SYNE2: variants seen among roughly 807,000 people sequenced by gnomAD.
The protein encoded by SYNE2 is spectrin repeat containing nuclear envelope protein 2.
Under a neutral mutation model 856.3 loss-of-function variants are expected in SYNE2, and 431 were observed. The ratio of observed to expected loss-of-function variants is 0.50; its 90% CI spans 0.47 to 0.55. The LOEUF is 0.55. Ranked by LOEUF, SYNE2 falls within the 20% of genes least tolerant of loss-of-function variation. The probability of loss-of-function intolerance (pLI) is 0.00; values close to 1 mark genes in which losing one functional copy is unlikely to be tolerated. For missense variants in SYNE2, 8,129 were observed against 8,023.2 expected, an observed-to-expected ratio of 1.01 and a Z score of -0.50; for synonymous variants, 2,923 against 2,872.3, an observed-to-expected ratio of 1.02 and a Z score of -0.56.
At chr14:64,039,324 G>A (rs973605377) in intron 45 of SYNE2, among the ~76,000 whole-genome samples, 16 of 152,234 alleles carry the variant, frequency 1.1e-4, no homozygotes, top group Non-Finnish European at 1.5e-4. Flanking sequence ...GATAGTGAAG[G>A]TTACTGACTT....
At chr14:63,996,409 C>G (rs2096714357) in intron 23 of SYNE2, among the ~76,000 whole-genome samples, 1 of 152,132 alleles carries the variant, frequency 6.6e-6, no homozygotes, top group Non-Finnish European at 1.5e-5. Flanking sequence ...CCCCATACCC[C>G]CAGGACAATT....
At chr14:63,903,260 C>T (rs562641548) in intron 1 of SYNE2, among the ~76,000 whole-genome samples, 28 of 152,106 alleles carry the variant, frequency 1.8e-4, no homozygotes, top group Non-Finnish European at 3.1e-4. Flanking sequence ...TCTAACACTT[C>T]GAATTGATTC....
At position 64,052,592 on chromosome 14, in the gene SYNE2, A is replaced by G. The variant is rs1449743891; in HGVS notation, c.8679A>G (p.Thr2893=). ...AAGAAATTGACAGTGGAATCTCAAC[A>G]CATCTTCAGGAGCTAACAAACATCT... ...ELQEIDSGIS[T]HLQELTNIYE... is the part of the protein sequence containing the mutation. The change falls in exon 48 of 116, where the codon ACA becomes ACG. Residue 2893 remains threonine, a synonymous_variant. Coordinates refer to ENST00000555002, the MANE Select transcript of SYNE2 (RefSeq NM_182914.3). The G allele has an allele frequency of 6.2e-7, 1 of 1,614,026 alleles. No homozygotes were observed. The highest frequency in any genetic ancestry group is 8.5e-7 in the Non-Finnish European group (1 of 1,180,042).
At chr14:64,087,281 T>C in intron 57 of SYNE2, 1 of 361,636 alleles carries the variant, frequency 2.8e-6, no homozygotes, top group South Asian at 2.5e-5. Context: ...TGGAATTACC[T>C]GAAGAGTACA....
chr14:63,767,419 T>C (rs1886724203), intron 1 of SYNE2, among the ~76,000 whole-genome samples: 3 of 152,162 alleles, frequency 2.0e-5, no homozygotes. Context: ...CAATTTTTTA[T>C]TTTTTAAATT....
chr14:63,780,296 G>T (rs528115364), intron 1 of SYNE2, among the ~76,000 whole-genome samples: 2 of 152,160 alleles, frequency 1.3e-5, no homozygotes, highest in African/African-American at 4.8e-5. Flanking sequence ...CACTTTGGGA[G>T]GCCGAGGCGG....
intron 1 of SYNE2, among the ~76,000 whole-genome samples, chr14:63,869,653 A>AAAC (rs1188287387): frequency 3.3e-5 from 5 of 151,558 alleles, no homozygotes; most frequent in African/African-American, 7.2e-5. Context: ...AAAAAAAAAA[A>AAAC]AAAAAACTGC....
chr14:63,818,040 A>C (rs1417791493), intron 1 of SYNE2, among the ~76,000 whole-genome samples: 3 of 132,970 alleles, frequency 2.3e-5, no homozygotes, highest in African/African-American at 3.4e-5. Flanking sequence ...AAAAAAAAAA[A>C]AAAAAACAAA....
At chr14:64,095,477 C>T (rs10136633) in intron 61 of SYNE2, among the ~76,000 whole-genome samples, 2 of 152,074 alleles carry the variant, frequency 1.3e-5, no homozygotes, top group Admixed American at 6.5e-5. Context: ...TGAGTTAGGC[C>T]GATCTTCCAA....
chr14:63,768,520 T>G (rs1324611989), intron 1 of SYNE2, among the ~76,000 whole-genome samples: 6 of 152,218 alleles, frequency 3.9e-5, no homozygotes, highest in Non-Finnish European at 8.8e-5. Flanking sequence ...GCATAGAGCC[T>G]CATTAGTTCA....
chr14:64,137,997 G>A lies in SYNE2; in HGVS notation c.14843+14G>A. The A allele has an allele frequency of 1.9e-6, 3 of 1,608,920 alleles. No homozygotes were observed. The highest frequency in any genetic ancestry group is 2.5e-6 in the Non-Finnish European group (3 of 1,177,534). On this transcript the variant is annotated intron_variant, in intron 79 of 115. Coordinates refer to ENST00000555002, the MANE Select transcript of SYNE2 (RefSeq NM_182914.3). ...GCATCTGCTCAGGTCAGCCTTTTTG[G>A]GGGTGGATTGGCTTCATATTGTGCT... is the stretch of plus-strand genomic sequence containing the variant.
At chr14:63,918,471 T>G (rs2095557892) in intron 2 of SYNE2, among the ~76,000 whole-genome samples, 1 of 152,196 alleles carries the variant, frequency 6.6e-6, no homozygotes, top group East Asian at 1.9e-4. Context: ...TTATAATCAT[T>G]TAAAAGTGGC....
At position 64,002,754 on chromosome 14, in the gene SYNE2, T is replaced by TA; in HGVS notation, c.3822dup (p.Cys1275MetfsTer2). 6.2e-7 allele frequency: 1 copy of TA among 1,613,436 alleles called. No homozygotes were observed. The highest frequency in any genetic ancestry group is 8.5e-7 in the Non-Finnish European group (1 of 1,179,926). On this transcript the variant is annotated frameshift_variant, in exon 30 of 116. Transcript: ENST00000555002. LOFTEE classifies it high-confidence loss of function. ...GATTCCATAGCAAAACAGATTGAAA[T>TA]ATGTAACCGCTTAGAAGAGCCAGGC...
In SYNE2 at chr14:64,049,652, G is replaced by A; in HGVS notation, c.7419G>A (p.Lys2473=). The change falls in exon 47 of 116, where the codon AAG becomes AAA. Residue 2473 remains lysine, a synonymous_variant. Transcript: ENST00000555002. ...TQLEAKKAAI[K]PLEQTECLNK... ...TGGAAGCAAAGAAAGCAGCCATTAAGCCACTGGAACAAACAGAATGTCTTA... is the reference window on the plus strand; with the variant it reads ...TGGAAGCAAAGAAAGCAGCCATTAAACCACTGGAACAAACAGAATGTCTTA... 1 of 1,614,050 alleles carries A rather than the reference G, an allele frequency of 6.2e-7. No homozygotes were observed. The highest frequency in any genetic ancestry group is 8.5e-7 in the Non-Finnish European group (1 of 1,180,010).
intron 18 of SYNE2, 96 bp downstream of exon 18, chr14:63,983,982 C>T (rs2153476347): frequency 2.2e-6 from 2 of 897,454 alleles, no homozygotes; most frequent in East Asian, 2.8e-5. Context: ...TGGCTCATGC[C>T]TGTAATCCCA....
In SYNE2 at chr14:64,128,438, C is replaced by A; in HGVS notation, c.13918-14C>A. On this transcript the variant is annotated splice_polypyrimidine_tract_variant and intron_variant, in intron 73 of 115. Coordinates refer to ENST00000555002, the MANE Select transcript of SYNE2 (RefSeq NM_182914.3). The stretch of plus-strand genomic sequence containing the variant: ...CTAAATGAGATTGCTCAGTTTCCGA[C>A]ATTTATCTTACAGAATGAAATAAAG... 7.0e-7 allele frequency: 1 copy of A among 1,425,052 alleles called. No homozygotes were observed. The highest frequency in any genetic ancestry group is 9.9e-7 in the Non-Finnish European group (1 of 1,007,852). 88.3% of individuals were successfully genotyped at this position (1,425,052 alleles called of 1,614,324 possible).
Position 64,056,209 on chromosome 14 carries a change from T to A in SYNE2, c.10010T>A (p.Val3337Asp), listed in dbSNP as rs773733885. Residue 3337 changes from valine (V) to aspartate (D), a missense_variant, in exon 49 of 116, where the codon GTT becomes GAT. Coordinates refer to ENST00000555002, the MANE Select transcript of SYNE2 (RefSeq NM_182914.3). The part of the protein sequence containing the change: ...LQLQYTLQEL[V>D]SKNSAMKEAF... ...CTTCAGTATACTTTACAGGAACTAG[T>A]TTCTAAGAACTCAGCAATGAAGGAA... 1 of 1,614,124 alleles carries A rather than the reference T, an allele frequency of 6.2e-7. No individual in the cohort carries two copies. Among genetic ancestry groups the A allele is most frequent in the Admixed American group, 1.7e-5 (1 of 60,000 alleles).
chr14:64,223,467 A>C, intron 113 of SYNE2, 87 bp downstream of exon 113: 1 of 1,518,006 alleles, frequency 6.6e-7, no homozygotes, highest in Middle Eastern at 1.9e-4. Context: ...TCTAAGACAG[A>C]GGCCAGAAGC....
At chr14:63,762,091 AT>A in intron 1 of SYNE2, 1 of 475,542 alleles carries the variant, frequency 2.1e-6, no homozygotes, top group Non-Finnish European at 4.3e-6. Context: ...TGTTCAATGA[AT>A]TTTTGTTGAA....
Sources: gnomAD v4.1 joint callset for allele counts (sites outside exome capture counted in the v4.1 genomes callset) on GRCh38, gnomAD v4.1.1 for gene constraint, MANE v1.5 for transcripts, NCBI Gene and HGNC (gene_info 2026-07-23, HGNC 2026-07-21) for gene names.